Variants in MYLK observed in about 807,000 individuals in gnomAD.
MYLK encodes the protein myosin light chain kinase, also known as myosin light chain kinase, smooth muscle.
MYLK carries 106 observed loss-of-function variants against 203.4 expected under a neutral mutation model. The observed-to-expected ratio is 0.52, with a 90% CI of 0.45 to 0.61. The LOEUF is 0.61. Among genes scored for constraint, MYLK ranks in the 20% least tolerant of loss-of-function variants. The probability of loss-of-function intolerance (pLI) is 0.00; values close to 1 mark genes in which losing one functional copy is unlikely to be tolerated. For synonymous variants in MYLK, 867 were observed against 959.5 expected, an observed-to-expected ratio of 0.90 and a Z score of 1.78; for missense variants, 2,072 against 2,442.3, an observed-to-expected ratio of 0.85 and a Z score of 3.20.
chr3:123,747,741 G>A (rs2037290388), intron 5 of MYLK, among the ~76,000 whole-genome samples: 1 of 152,208 alleles, frequency 6.6e-6, no homozygotes, highest in Admixed American at 6.5e-5. Flanking sequence ...TAAGGTGGGT[G>A]ATCCATCTGA....
At chr3:123,720,968 G>C (rs1490823573) in intron 13 of MYLK, among the ~76,000 whole-genome samples, 1 of 152,210 alleles carries the variant, frequency 6.6e-6, no homozygotes, top group Admixed American at 6.5e-5. Context: ...GTGGGCTCCA[G>C]GGTGCAGCTT....
At chr3:123,684,199 G>A (rs964485976) in intron 19 of MYLK, among the ~76,000 whole-genome samples, 1 of 152,164 alleles carries the variant, frequency 6.6e-6, no homozygotes, top group Admixed American at 6.5e-5. Flanking sequence ...GTGTGCCAGG[G>A]TATCACACCC....
chr3:123,695,549 A>G (rs1285534585), intron 18 of MYLK, among the ~76,000 whole-genome samples: 1 of 151,994 alleles, frequency 6.6e-6, no homozygotes, highest in Non-Finnish European at 1.5e-5. Flanking sequence ...AAGATAATAT[A>G]TAGTTTCTGA....
intron 33 of MYLK, 39 bp downstream of exon 33, chr3:123,618,600 A>G: frequency 6.2e-7 from 1 of 1,612,944 alleles, no homozygotes; most frequent in Non-Finnish European, 8.5e-7. Context: ...ATCCAGCCAC[A>G]CCCTATTCAT....
At chr3:123,740,123 G>A (rs2108821414) in intron 5 of MYLK, 122 bp from the exon 6 acceptor site, 1 of 927,430 alleles carries the variant, frequency 1.1e-6, no homozygotes, top group Middle Eastern at 2.1e-4. Context: ...GACTGAGCAT[G>A]GGCTGTGTCA....
chr3:123,672,978 A>C (rs1242348571), intron 20 of MYLK, among the ~76,000 whole-genome samples: 1 of 152,128 alleles, frequency 6.6e-6, no homozygotes, highest in African/African-American at 2.4e-5. Context: ...ATGAAAAAGG[A>C]GATGGCATCT....
At chr3:123,812,672 A>C (rs577427448) in intron 3 of MYLK, among the ~76,000 whole-genome samples, 1 of 152,258 alleles carries the variant, frequency 6.6e-6, no homozygotes, top group East Asian at 1.9e-4. Flanking sequence ...AAAGACCTAG[A>C]TGTCTCTTTA....
intron 11 of MYLK, among the ~76,000 whole-genome samples, chr3:123,729,422 A>G (rs2062401494): frequency 6.6e-6 from 1 of 152,248 alleles, no homozygotes; most frequent in African/African-American, 2.4e-5. Flanking sequence ...ACTTGTATCC[A>G]GAATACATAA....
At chr3:123,796,219 T>C (rs2064980922) in intron 3 of MYLK, among the ~76,000 whole-genome samples, 1 of 152,190 alleles carries the variant, frequency 6.6e-6, no homozygotes. Context: ...ATTTGCTCCT[T>C]ACAACAACAC....
rs1478070410 is a variant in MYLK, at chr3:123,642,552, C to G, written c.4620-2048G>C. Among the ~76,000 whole-genome samples the G allele has an allele frequency of 6.6e-6, 1 of 152,172 alleles. No homozygotes were observed. Among genetic ancestry groups the G allele is most frequent in the South Asian group, 2.1e-4 (1 of 4,830 alleles). On this transcript the variant is annotated intron_variant, in intron 27 of 33. Coordinates refer to ENST00000360304, the MANE Select transcript of MYLK (RefSeq NM_053025.4). This position sits in a 1 kb window ranked among gnomAD's most constrained non-coding sequence, Gnocchi z 4.2. ...CAGTGACAGCTGGAGGGAGCTAGAA[C>G]TCATACTTTAAAACCCATCTGAGAA...
chr3:123,629,862 C>T lies in MYLK; in HGVS notation c.4962-236G>A, dbSNP rs111321419. 21,508 of 557,544 alleles carry T rather than the reference C, an allele frequency of 0.039. 591 individuals are homozygous for T. The highest frequency in any genetic ancestry group is 0.099 in the South Asian group (4,858 of 49,260). The allele number at this position is 557,544 out of a possible 1,614,324, so 34.5% of individuals were successfully genotyped here. A position where few individuals can be genotyped will look rare whatever the true frequency, so the allele number is the denominator to read the frequency against. On this transcript the variant is annotated intron_variant, in intron 29 of 33. Transcript: ENST00000360304. This position sits in a 1 kb window ranked among gnomAD's most constrained non-coding sequence, Gnocchi z 4.4. Reference sequence around the variant, plus strand: ...ACCACCTACCTGTGAGGCTGAGGTGCAGCAGGTTGGCTTTAGATTACGGGC... The same window carrying T: ...ACCACCTACCTGTGAGGCTGAGGTGTAGCAGGTTGGCTTTAGATTACGGGC...
At position 123,737,404 on chromosome 3, in the gene MYLK, G is replaced by C. The variant is rs202126043; in HGVS notation, c.728C>G (p.Ser243Trp). The change falls in exon 8 of 34, where the codon TCG becomes TGG. Residue 243 changes from serine to tryptophan, a missense_variant. By Grantham distance (177) the Ser-to-Trp change is radical. Transcript: ENST00000360304. ...TTGGATGGAAAGTTCAGCTGACATC[G>C]AGGCCTTCCCCGACCCGTTCACCAC... ...CLVVNGSGKA[S>W]MSAELSIQGL... The C allele has an allele frequency of 8.1e-6, 13 of 1,614,066 alleles. No individual in the cohort carries two copies. In the East Asian group the frequency reaches 2.5e-4, roughly 30 times the overall value.
intron 5 of MYLK, among the ~76,000 whole-genome samples, chr3:123,746,233 A>C (rs945556430): frequency 6.6e-6 from 1 of 152,158 alleles, no homozygotes; most frequent in Non-Finnish European, 1.5e-5. Flanking sequence ...GCCTGTAGCC[A>C]CAGCTTCTCA....
At chr3:123,687,600 C>T (rs1198774408) in intron 19 of MYLK, among the ~76,000 whole-genome samples, 2 of 146,742 alleles carry the variant, frequency 1.4e-5, no homozygotes, top group African/African-American at 5.3e-5. Context: ...TCCTTCCTTC[C>T]TTCCTTCCTA....
chr3:123,657,517 C>T lies in MYLK; in HGVS notation c.3986-89G>A, dbSNP rs1255599441. Reference sequence around the variant, plus strand: ...AATTACCTGTGTCATGGGGGGAAGGCAGCCTAGAGAACCCAATCCAAAGTC... The same window carrying T: ...AATTACCTGTGTCATGGGGGGAAGGTAGCCTAGAGAACCCAATCCAAAGTC... On this transcript the variant is annotated intron_variant, in intron 23 of 33. Coordinates refer to ENST00000360304, the MANE Select transcript of MYLK (RefSeq NM_053025.4). 1.8e-5 allele frequency: 25 copies of T among 1,369,216 alleles called. No individual in the cohort carries two copies. In the East Asian group the frequency reaches 5.4e-4, roughly 30 times the overall value. 84.8% of individuals were successfully genotyped at this position (1,369,216 alleles called of 1,614,324 possible).
chr3:123,781,383 C>CCT (rs2064292518), intron 4 of MYLK, among the ~76,000 whole-genome samples: 1 of 152,192 alleles, frequency 6.6e-6, no homozygotes, highest in East Asian at 1.9e-4. Context: ...AGAGGCCTGG[C>CCT]CTCATCCTTC....
At chr3:123,647,905 A>G (rs1200577924) in intron 26 of MYLK, among the ~76,000 whole-genome samples, 2 of 152,090 alleles carry the variant, frequency 1.3e-5, no homozygotes, top group Non-Finnish European at 2.9e-5. Flanking sequence ...GGCTGATGGC[A>G]TCTCTTCCCC....
chr3:123,671,480 C>T (rs866165008), intron 20 of MYLK, among the ~76,000 whole-genome samples: 5 of 152,054 alleles, frequency 3.3e-5, no homozygotes, highest in Admixed American at 6.5e-5. Flanking sequence ...AGGAGTGTCG[C>T]CACAAGCAAG....
At chr3:123,631,080 C>T (rs2058400347) in intron 29 of MYLK, among the ~76,000 whole-genome samples, 1 of 152,166 alleles carries the variant, frequency 6.6e-6, no homozygotes, top group Middle Eastern at 3.2e-3. Context: ...CTGTTCCTGC[C>T]CTGATCTCAG....
Sources: allele counts gnomAD v4.1 joint callset (sites outside exome capture counted in the v4.1 genomes callset), GRCh38; gene constraint gnomAD v4.1.1; non-coding constraint Gnocchi (gnomAD v3.1); transcripts MANE v1.5; gene names NCBI Gene and HGNC (gene_info 2026-07-23, HGNC 2026-07-21).